The following TTLL5 variants were observed in gnomAD, a reference collection of about 807,000 sequenced individuals.
TTLL5 encodes the protein tubulin polyglutamylase TTLL5.
In TTLL5, 132 loss-of-function variants were observed where a neutral mutation model predicts 168.4. The observed-to-expected ratio is 0.78, with a 90% CI of 0.68 to 0.91. The LOEUF is 0.91. Among genes scored for constraint, TTLL5 ranks in the 40% least tolerant of loss-of-function variants. The pLI, the probability that TTLL5 is intolerant of heterozygous loss-of-function variation, is 0.00. For missense variants in TTLL5, 1,545 were observed against 1,581.5 expected, an observed-to-expected ratio of 0.98 and a Z score of 0.39; for synonymous variants, 546 against 558.6, an observed-to-expected ratio of 0.98 and a Z score of 0.32.
rs1046823753 is a variant in TTLL5, at chr14:75,925,421, G to A, written c.3823+23197G>A. Among the ~76,000 whole-genome samples the A allele has an allele frequency of 2.3e-3, 23 of 9,820 alleles. 1 individual carries two copies. In the East Asian group the frequency reaches 0.03, roughly 13 times the overall value. 6.4% of individuals were successfully genotyped at this position (9,820 alleles called of 152,430 possible). A position where few individuals can be genotyped will look rare whatever the true frequency, so the allele number is the denominator to read the frequency against. On this transcript the variant is annotated intron_variant, in intron 31 of 31. Transcript: ENST00000298832. Reference sequence around the variant, plus strand: ...CGCTCCTCACATCCCAGACGGGGCGGCGGGGCAGAGGCGCTCCTCACATCC... The same window carrying A: ...CGCTCCTCACATCCCAGACGGGGCGACGGGGCAGAGGCGCTCCTCACATCC...
intron 7 of TTLL5, among the ~76,000 whole-genome samples, chr14:75,705,447 G>A (rs1197021833): frequency 1.3e-5 from 2 of 152,196 alleles, no homozygotes; most frequent in Non-Finnish European, 2.9e-5. Context: ...TTTGAGAGCA[G>A]AATATTGGGA....
At chr14:75,665,735 C>T (rs1287067369) in intron 2 of TTLL5, among the ~76,000 whole-genome samples, 1 of 152,006 alleles carries the variant, frequency 6.6e-6, no homozygotes, top group African/African-American at 2.4e-5. Context: ...GTGGGTAATC[C>T]CAGCTACTCG....
chr14:75,916,795 G>A (rs7148360), intron 31 of TTLL5, among the ~76,000 whole-genome samples: 119,320 of 152,226 alleles, frequency 0.78, 46,874 homozygotes, highest in Admixed American at 0.83. Context: ...AGTGTCCGTC[G>A]GCAGATGAAT....
At chr14:75,904,222 GA>G (rs2033051890) in intron 31 of TTLL5, 11 of 1,170,876 alleles carry the variant, frequency 9.4e-6, no homozygotes, top group South Asian at 3.1e-5. Context: ...AAAAAGGAAA[GA>G]AAAAAAGAAT....
At chr14:75,720,326 G>A (rs1461628159) in intron 11 of TTLL5, among the ~76,000 whole-genome samples, 1 of 152,196 alleles carries the variant, frequency 6.6e-6, no homozygotes, top group Non-Finnish European at 1.5e-5. Context: ...TAGGGGAAGT[G>A]TGAGAAGGGA....
At chr14:75,879,622 G>A (rs2031692732) in intron 29 of TTLL5, among the ~76,000 whole-genome samples, 1 of 152,204 alleles carries the variant, frequency 6.6e-6, no homozygotes, top group South Asian at 2.1e-4. Context: ...TTCTAAAGGT[G>A]AAGTAATTTT....
At chr14:75,706,453 G>A (rs1886666125) in intron 7 of TTLL5, among the ~76,000 whole-genome samples, 2 of 152,130 alleles carry the variant, frequency 1.3e-5, no homozygotes, top group South Asian at 4.1e-4. Context: ...TTTCATTGAA[G>A]AAATCTTTTA....
At chr14:75,800,450 C>T (rs1266449848) in intron 27 of TTLL5, among the ~76,000 whole-genome samples, 3 of 152,058 alleles carry the variant, frequency 2.0e-5, no homozygotes, top group Non-Finnish European at 4.4e-5. Context: ...GGTAAATAAT[C>T]GACCTTTTGA....
At chr14:75,840,396 G>A (rs1052153577) in intron 28 of TTLL5, among the ~76,000 whole-genome samples, 1 of 145,640 alleles carries the variant, frequency 6.9e-6, no homozygotes, top group African/African-American at 2.5e-5. Context: ...CCCTCCCCTT[G>A]CCCCCCACCC....
chr14:75,714,623 A>G (rs1051279928), intron 9 of TTLL5, among the ~76,000 whole-genome samples: 1 of 152,062 alleles, frequency 6.6e-6, no homozygotes, highest in African/African-American at 2.4e-5. Context: ...ATTTATTTTG[A>G]TGCTCAAATT....
At chr14:75,811,699 TTC>T (rs1894051647) in intron 27 of TTLL5, among the ~76,000 whole-genome samples, 1 of 152,222 alleles carries the variant, frequency 6.6e-6, no homozygotes. Flanking sequence ...AGGTGTGGAC[TTC>T]TCTTAAGCAT....
intron 29 of TTLL5, among the ~76,000 whole-genome samples, chr14:75,870,110 T>A (rs537405042): frequency 6.6e-6 from 1 of 150,648 alleles, no homozygotes; most frequent in East Asian, 2.0e-4. Context: ...TGAGCCACCA[T>A]ACCCAGCCAA....
intron 30 of TTLL5, chr14:75,886,826 C>A: frequency 6.4e-7 from 1 of 1,558,962 alleles, no homozygotes; most frequent in Non-Finnish European, 8.6e-7. Context: ...GAGCTTTTTT[C>A]AGAGCCAGAA....
rs769425774 is a variant in TTLL5, at chr14:75,782,583, T to C, written c.2602+10T>C. The stretch of plus-strand genomic sequence containing the variant: ...TCTGATAAATTATCTCGTGAGTGAT[T>C]TCAAACCTACCTAGATTTGCTGCTC... On this transcript the variant is annotated intron_variant, in intron 25 of 31. Coordinates refer to ENST00000298832, the MANE Select transcript of TTLL5 (RefSeq NM_015072.5). 11 of 1,609,378 alleles carry C rather than the reference T, an allele frequency of 6.8e-6. No individual in the cohort carries two copies. In the South Asian group the frequency reaches 1.2e-4, roughly 18 times the overall value.
chr14:75,779,886 G>A (rs934565948), intron 24 of TTLL5, among the ~76,000 whole-genome samples, 184 bp downstream of exon 24: 1 of 152,088 alleles, frequency 6.6e-6, no homozygotes, highest in Admixed American at 6.5e-5. Context: ...CAGAAGAAGG[G>A]CATGGTCTGA....
chr14:75,808,468 A>T (rs879141268), intron 27 of TTLL5, among the ~76,000 whole-genome samples: 2 of 152,346 alleles, frequency 1.3e-5, no homozygotes, highest in Admixed American at 1.3e-4. Flanking sequence ...ATGCTCGTGA[A>T]GTGCTTTTGG....
At chr14:75,768,552 T>C (rs1018072040) in intron 20 of TTLL5, among the ~76,000 whole-genome samples, 4 of 151,744 alleles carry the variant, frequency 2.6e-5, no homozygotes, top group Non-Finnish European at 5.9e-5. Flanking sequence ...GGGGAAGGAT[T>C]TGAGGATAAG....
chr14:75,765,821 C>T (rs1351836447), intron 19 of TTLL5, among the ~76,000 whole-genome samples: 1 of 152,148 alleles, frequency 6.6e-6, no homozygotes, highest in Non-Finnish European at 1.5e-5. Flanking sequence ...GAGATCCTGC[C>T]ACTGCCCTCC....
chr14:75,720,743 G>A, intron 12 of TTLL5, 40 bp downstream of exon 12: 1 of 1,559,420 alleles, frequency 6.4e-7, no homozygotes, highest in Non-Finnish European at 8.8e-7. Flanking sequence ...TTGTGAAGAG[G>A]ATCTTGGGAA....
Sources: allele counts gnomAD v4.1 joint callset (sites outside exome capture counted in the v4.1 genomes callset), GRCh38; gene constraint gnomAD v4.1.1; transcripts MANE v1.5; gene names NCBI Gene and HGNC (gene_info 2026-07-23, HGNC 2026-07-21).